TMOD2: variants seen among roughly 807,000 people sequenced by gnomAD.
The protein encoded by TMOD2 is tropomodulin-2.
Under a neutral mutation model 39.9 loss-of-function variants are expected in TMOD2, and 22 were observed. The ratio of observed to expected loss-of-function variants is 0.55; its 90% CI spans 0.39 to 0.79. TMOD2 has a LOEUF of 0.79. Ranked by LOEUF, TMOD2 falls within the 30% of genes least tolerant of loss-of-function variation. The pLI, the probability that TMOD2 is intolerant of heterozygous loss-of-function variation, is 0.00. For missense variants in TMOD2, 386 were observed against 413.3 expected (o/e 0.93, Z 0.57); for synonymous variants, 123 against 146.1 (o/e 0.84, Z 1.14).
chr15:51,775,292 C>A (rs1000975760), intron 4 of TMOD2, among the ~76,000 whole-genome samples: 5 of 152,164 alleles, frequency 3.3e-5, no homozygotes, highest in Admixed American at 2.6e-4. Context: ...CAGCCCTAAA[C>A]TGTGGGAGCT....
At chr15:51,772,476 G>A (rs1015902713) in intron 3 of TMOD2, among the ~76,000 whole-genome samples, 1 of 152,166 alleles carries the variant, frequency 6.6e-6, no homozygotes, top group Non-Finnish European at 1.5e-5. Flanking sequence ...ATCCTCCTGG[G>A]TATGGCAATG....
chr15:51,805,602 A>G (rs2056116987), intron 8 of TMOD2, among the ~76,000 whole-genome samples: 1 of 152,272 alleles, frequency 6.6e-6, no homozygotes, highest in Admixed American at 6.5e-5. Context: ...ACTATAGTCA[A>G]CAATAACATT....
At chr15:51,753,202 T>C (rs1278465862) in intron 1 of TMOD2, among the ~76,000 whole-genome samples, 1 of 152,240 alleles carries the variant, frequency 6.6e-6, no homozygotes. Flanking sequence ...AACAGTTGAA[T>C]AAGGCAAGGA....
chr15:51,760,030 C>G (rs1341424807), intron 1 of TMOD2, among the ~76,000 whole-genome samples: 1 of 152,212 alleles, frequency 6.6e-6, no homozygotes, highest in Non-Finnish European at 1.5e-5. Context: ...AAAGGGAACC[C>G]ATTGATACAG....
rs191154580 is a variant in TMOD2, at chr15:51,781,198, G to A, written c.624+24G>A. On this transcript the variant is annotated intron_variant, in intron 6 of 9. Transcript: ENST00000249700. ...AGGTATTTCATTGTGATTATCATCA[G>A]TCAGTTAATTTATCATGAGGTCAGA... The A allele has an allele frequency of 1.0e-5, 16 of 1,578,816 alleles. No homozygotes were observed. In the African/African-American group the frequency reaches 2.2e-4, roughly 22 times the overall value.
intron 1 of TMOD2, among the ~76,000 whole-genome samples, chr15:51,766,070 G>A (rs1464322178): frequency 6.6e-6 from 1 of 152,230 alleles, no homozygotes; most frequent in African/African-American, 2.4e-5. Context: ...ACGCATCCCA[G>A]CTCTGTGACC....
chr15:51,768,568 A>G (rs1595864985), intron 3 of TMOD2, 150 bp downstream of exon 3: 1 of 850,200 alleles, frequency 1.2e-6, no homozygotes, highest in East Asian at 2.7e-5. Context: ...AAATAAGCCC[A>G]TGAATTGGAT....
At chr15:51,803,190 T>TTTTTTTTTTTTTTG (rs1555463181) in intron 8 of TMOD2, among the ~76,000 whole-genome samples, 1 of 148,850 alleles carries the variant, frequency 6.7e-6, no homozygotes, top group African/African-American at 2.5e-5. Flanking sequence ...TTTTTTTTTT[T>TTTTTTTTTTTTTTG]TCTTTTTGAG....
At chr15:51,806,560 A>T in intron 9 of TMOD2, 39 bp downstream of exon 9, 1 of 1,609,998 alleles carries the variant, frequency 6.2e-7, no homozygotes, top group African/African-American at 1.3e-5. Context: ...CAATTAGAAG[A>T]GCATGAGCAT....
chr15:51,763,635 C>A (rs185665637), intron 1 of TMOD2, among the ~76,000 whole-genome samples: 78 of 152,330 alleles, frequency 5.1e-4, no homozygotes, highest in Non-Finnish European at 1.0e-3. Flanking sequence ...GCTAAACATA[C>A]CTGCATTGTC....
intron 9 of TMOD2, 60 bp downstream of exon 9, chr15:51,806,581 A>G: frequency 1.9e-6 from 3 of 1,585,630 alleles, no homozygotes; most frequent in Non-Finnish European, 2.6e-6. Context: ...TCACTTCTCC[A>G]CTTCAGACGC....
intron 3 of TMOD2, among the ~76,000 whole-genome samples, chr15:51,770,942 A>G (rs953772042): frequency 5.3e-5 from 8 of 152,242 alleles, no homozygotes; most frequent in Admixed American, 3.3e-4. Context: ...AAAAATTATA[A>G]TGTCAAATCT....
intron 8 of TMOD2, among the ~76,000 whole-genome samples, chr15:51,806,028 C>T (rs1220067996): frequency 6.6e-6 from 1 of 152,136 alleles, no homozygotes; most frequent in Non-Finnish European, 1.5e-5. Context: ...TTAAAACACC[C>T]TTTGTTTAAA....
At chr15:51,788,465 G>A (rs2055986129) in intron 7 of TMOD2, among the ~76,000 whole-genome samples, 1 of 152,220 alleles carries the variant, frequency 6.6e-6, no homozygotes, top group African/African-American at 2.4e-5. Context: ...TATTATCCAA[G>A]AGAACTTCTG....
rs189865294 is a variant in TMOD2, at chr15:51,754,418, G to A, written c.-70+2706G>A. On this transcript the variant is annotated intron_variant, in intron 1 of 9. Transcript: ENST00000249700. Reference sequence around the variant, plus strand: ...ATGTTTTCCTTATAGACTTTAAGTGGTTCAAAGAGGTTCATAGAAGGCATG... The same window carrying A: ...ATGTTTTCCTTATAGACTTTAAGTGATTCAAAGAGGTTCATAGAAGGCATG... Among the ~76,000 whole-genome samples the A allele has an allele frequency of 3.1e-3, 466 of 152,276 alleles. 2 individuals are homozygous for A. The highest frequency in any genetic ancestry group is 5.5e-3 in the Non-Finnish European group (373 of 68,024).
intron 7 of TMOD2, among the ~76,000 whole-genome samples, chr15:51,787,473 T>C (rs2055978689): frequency 6.6e-6 from 1 of 152,254 alleles, no homozygotes; most frequent in East Asian, 1.9e-4. Flanking sequence ...TAAATGTCCC[T>C]GCCTGACAGC....
At chr15:51,752,410 G>A (rs2055711895) in intron 1 of TMOD2, 3 of 152,252 alleles carry the variant, frequency 2.0e-5, no homozygotes, top group South Asian at 4.1e-4. Flanking sequence ...AGTATTCAGA[G>A]GTAGGAAGGT....
chr15:51,754,256 A>C (rs1477741589), intron 1 of TMOD2, among the ~76,000 whole-genome samples: 1 of 152,184 alleles, frequency 6.6e-6, no homozygotes, highest in Non-Finnish European at 1.5e-5. Flanking sequence ...GTGTGTAAGG[A>C]AGTTTGAGAA....
chr15:51,767,542 G>A (rs1174804473), intron 2 of TMOD2, among the ~76,000 whole-genome samples: 2 of 151,848 alleles, frequency 1.3e-5, no homozygotes, highest in East Asian at 3.9e-4. Context: ...CTGCTGGTAT[G>A]ATCTTAAACT....
Sources: allele counts gnomAD v4.1 joint callset (sites outside exome capture counted in the v4.1 genomes callset), GRCh38; gene constraint gnomAD v4.1.1; transcripts MANE v1.5; gene names NCBI Gene and HGNC (gene_info 2026-07-23, HGNC 2026-07-21).